LPCAT3: variants seen among roughly 807,000 people sequenced by gnomAD.
LPCAT3 encodes the protein lysophospholipid acyltransferase 5.
Under a neutral mutation model 63.4 loss-of-function variants are expected in LPCAT3, and 21 were observed. That is an observed-to-expected ratio of 0.33 (90% confidence interval 0.23 to 0.48). The LOEUF (loss-of-function observed/expected upper bound fraction) is 0.48, where lower values mean the gene tolerates loss of function less well. LPCAT3 is among the 20% of genes least tolerant of loss of function. The pLI, the probability that LPCAT3 is intolerant of heterozygous loss-of-function variation, is 0.99. For missense variants in LPCAT3, 451 were observed against 590.6 expected (o/e 0.76, Z 2.45); for synonymous variants, 242 against 227.5 (o/e 1.06, Z -0.58).
At chr12:6,994,424 T>C (rs1200563897) in intron 1 of LPCAT3, among the ~76,000 whole-genome samples, 1 of 152,182 alleles carries the variant, frequency 6.6e-6, no homozygotes, top group Non-Finnish European at 1.5e-5. Flanking sequence ...GCCAGGCTAG[T>C]CTCGAACTCC....
At chr12:6,980,521 ATTTTTGTATT>A (rs1555153941) in intron 6 of LPCAT3, among the ~76,000 whole-genome samples, 1 of 150,870 alleles carries the variant, frequency 6.6e-6, no homozygotes, top group Non-Finnish European at 1.5e-5. Context: ...ATGTCTGATA[ATTTTTGTATT>A]TTTTTGTAGA....
At chr12:6,981,682 G>T in intron 4 of LPCAT3, 50 bp from the exon 5 acceptor site, 1 of 1,283,060 alleles carries the variant, frequency 7.8e-7, no homozygotes, top group Non-Finnish European at 1.1e-6. Context: ...GGACACTGAG[G>T]ATGTGGCCTG....
At chr12:7,006,066 C>A (rs1187859377) in intron 1 of LPCAT3, among the ~76,000 whole-genome samples, 1 of 152,074 alleles carries the variant, frequency 6.6e-6, no homozygotes, top group Non-Finnish European at 1.5e-5. Flanking sequence ...AGGGCCAAGA[C>A]TTGAAGAAAT....
chr12:6,983,294 C>A (rs373071643), intron 2 of LPCAT3, 138 bp downstream of exon 2: 10 of 658,478 alleles, frequency 1.5e-5, no homozygotes, highest in East Asian at 7.8e-5. Flanking sequence ...AGCTGTGTTC[C>A]TCTTCATACA....
chr12:7,011,397 G>C (rs1555157200), intron 1 of LPCAT3, among the ~76,000 whole-genome samples: 1 of 152,170 alleles, frequency 6.6e-6, no homozygotes, highest in Non-Finnish European at 1.5e-5. Context: ...TGTAATCTCA[G>C]CACTTTGGGA....
At chr12:7,003,782 C>T (rs995063079) in intron 1 of LPCAT3, among the ~76,000 whole-genome samples, 15 of 151,630 alleles carry the variant, frequency 9.9e-5, no homozygotes, top group Non-Finnish European at 1.5e-4. Context: ...ATTAGCCGGG[C>T]GCGGTGGCGG....
intron 1 of LPCAT3, among the ~76,000 whole-genome samples, chr12:7,007,405 A>G (rs980447254): frequency 6.6e-6 from 1 of 152,002 alleles, no homozygotes; most frequent in African/African-American, 2.4e-5. Context: ...TATTTTCGGA[A>G]GCAGATATGA....
chr12:7,015,070 TG>T (rs1946789239), intron 1 of LPCAT3, among the ~76,000 whole-genome samples: 1 of 152,226 alleles, frequency 6.6e-6, no homozygotes, highest in Admixed American at 6.5e-5. Context: ...TGGGTCACAA[TG>T]TAAAACATAT....
intron 1 of LPCAT3, among the ~76,000 whole-genome samples, chr12:7,016,242 G>A (rs1343388960): frequency 6.6e-6 from 1 of 151,002 alleles, no homozygotes; most frequent in Non-Finnish European, 1.5e-5. Flanking sequence ...CACAGGCATG[G>A]CATGAGCCAC....
chr12:7,000,255 T>C (rs1489668158), intron 1 of LPCAT3, among the ~76,000 whole-genome samples: 1 of 151,724 alleles, frequency 6.6e-6, no homozygotes, highest in Non-Finnish European at 1.5e-5. Flanking sequence ...TCTTCATCTT[T>C]GAAATCGGGA....
At chr12:7,002,644 A>G (rs1478365147) in intron 1 of LPCAT3, among the ~76,000 whole-genome samples, 1 of 152,220 alleles carries the variant, frequency 6.6e-6, no homozygotes, top group Non-Finnish European at 1.5e-5. Context: ...TATAAATTTG[A>G]ATAAGTGTGG....
In LPCAT3 at chr12:7,018,049, CAGGGGTTGA is replaced by C. The variant is rs1427424591; in HGVS notation, c.151+216_151+224del. Among the ~76,000 whole-genome samples the C allele has an allele frequency of 1.3e-5, 2 of 152,142 alleles. No individual in the cohort carries two copies. The highest frequency in any genetic ancestry group is 2.9e-5 in the Non-Finnish European group (2 of 68,018). On this transcript the variant is annotated intron_variant, in intron 1 of 12. Transcript: ENST00000261407. The surrounding 1 kb of genome is among the most constrained non-coding windows in gnomAD (Gnocchi z 4.9). The stretch of plus-strand genomic sequence containing the variant: ...CCGACTGAGAGGCCAGAGGGCATGG[CAGGGGTTGA>C]AGAGAAAGATGAAGAGGTTCAGAGG...
Position 7,012,893 on chromosome 12 carries a change from C to T in LPCAT3, c.151+5381G>A, listed in dbSNP as rs373707995. ...GGAGGATGGAGTCTTTTTAAAATTA[C>T]GACTTTATCCTCCAGCTAATAAGTT... On this transcript the variant is annotated intron_variant, in intron 1 of 12. Transcript: ENST00000261407. 8.5e-5 allele frequency among the ~76,000 whole-genome samples: 13 copies of T among 152,326 alleles called. No homozygotes were observed. The South Asian group carries it at 1.7e-3, about 19-fold the overall frequency.
rs1035421832 is a variant in LPCAT3 at position 6,977,497 on chromosome 12, G to A, written c.1217C>T (p.Thr406Ile). Residue 406 changes from threonine (T) to isoleucine (I), a missense_variant, in exon 11 of 13, where the codon ACC becomes ATC. Coordinates refer to ENST00000261407, the MANE Select transcript of LPCAT3 (RefSeq NM_005768.6). This position sits in a 1 kb window ranked among gnomAD's most constrained non-coding sequence, Gnocchi z 4.5. ...AGTAATGGCGGCCAGCTTGCTCAGG[G>A]TGGGGCTCTCTTGAATGAGCCTGGC... ...QAARLIQESP[T>I]LSKLAAITVL... 35 of 1,614,212 alleles carry A rather than the reference G, an allele frequency of 2.2e-5. No individual in the cohort carries two copies. Among genetic ancestry groups the A allele is most frequent in the Non-Finnish European group, 3.0e-5 (35 of 1,180,040 alleles).
intron 1 of LPCAT3, among the ~76,000 whole-genome samples, chr12:7,015,504 A>G (rs1318649576): frequency 2.6e-5 from 4 of 152,190 alleles, no homozygotes; most frequent in Non-Finnish European, 4.4e-5. Context: ...CATATTTACA[A>G]CCAAAATGCA....
chr12:7,008,678 G>A (rs1431222389), intron 1 of LPCAT3, among the ~76,000 whole-genome samples: 1 of 151,924 alleles, frequency 6.6e-6, no homozygotes, highest in African/African-American at 2.4e-5. Flanking sequence ...CTGGAACCTC[G>A]GAGGTGGAGG....
At chr12:6,999,500 T>C (rs1946666792) in intron 1 of LPCAT3, among the ~76,000 whole-genome samples, 3 of 152,228 alleles carry the variant, frequency 2.0e-5, no homozygotes, top group Non-Finnish European at 4.4e-5. Context: ...CCAAAATTCT[T>C]TAATTTCTTC....
In LPCAT3 at chr12:7,015,574, G is replaced by C. The variant is rs781886226; in HGVS notation, c.151+2700C>G. Among the ~76,000 whole-genome samples the C allele has an allele frequency of 2.0e-4, 30 of 152,314 alleles. 1 individual carries two copies. Among genetic ancestry groups the C allele is most frequent in the Middle Eastern group, 6.8e-3 (2 of 294 alleles). ...ATATTTATATGTATGTATTTAAACT[G>C]TGCCTACTAGGAATACAATCCTACC... On this transcript the variant is annotated intron_variant, in intron 1 of 12. Coordinates refer to ENST00000261407, the MANE Select transcript of LPCAT3 (RefSeq NM_005768.6).
intron 1 of LPCAT3, among the ~76,000 whole-genome samples, chr12:7,011,330 C>G (rs1440462881): frequency 6.6e-6 from 1 of 152,166 alleles, no homozygotes; most frequent in Admixed American, 6.5e-5. Context: ...GCCACCGTGC[C>G]TGACCTGGAA....
Sources: allele counts gnomAD v4.1 joint callset (sites outside exome capture counted in the v4.1 genomes callset), GRCh38; gene constraint gnomAD v4.1.1; non-coding constraint Gnocchi (gnomAD v3.1); transcripts MANE v1.5; gene names NCBI Gene and HGNC (gene_info 2026-07-23, HGNC 2026-07-21).